Variants in MAK observed in about 807,000 individuals in gnomAD.
MAK encodes the protein serine/threonine-protein kinase MAK.
In MAK, 65 loss-of-function variants were observed where a neutral mutation model predicts 82.6. The observed-to-expected ratio is 0.79, with a 90% CI of 0.64 to 0.97. The LOEUF is 0.97. Ranked by LOEUF, MAK falls within the 50% of genes least tolerant of loss-of-function variation. The probability of loss-of-function intolerance (pLI) is 0.00; values close to 1 mark genes in which losing one functional copy is unlikely to be tolerated. For synonymous variants in MAK, 250 were observed against 274.2 expected, an observed-to-expected ratio of 0.91 and a Z score of 0.87; for missense variants, 703 against 780.2, an observed-to-expected ratio of 0.90 and a Z score of 1.18.
chr6:10,823,340 C>T (rs1454691694), intron 2 of MAK, among the ~76,000 whole-genome samples: 1 of 152,150 alleles, frequency 6.6e-6, no homozygotes, highest in Admixed American at 6.5e-5. Context: ...AGCTGAACTT[C>T]TCTAATTCCA....
At position 10,775,472 on chromosome 6, in the gene MAK, AAAC is replaced by A. The variant is rs1773385775; in HGVS notation, c.1466-16_1466-14del. On this transcript the variant is annotated splice_polypyrimidine_tract_variant and intron_variant, in intron 11 of 14. Coordinates refer to ENST00000354489, the MANE Select transcript of MAK (RefSeq NM_001242957.3). ...TTGGGATTCACACCTGAGAAGAACA[AAAC>A]AACCACTTCAAAGGTTAGAGCAGAT... The A allele has an allele frequency of 6.2e-7, 1 of 1,611,614 alleles. No individual in the cohort carries two copies. The highest frequency in any genetic ancestry group is 1.3e-5 in the African/African-American group (1 of 74,864).
chr6:10,767,790 CAAAAAAAAAAAA>C (rs35961098), intron 14 of MAK, among the ~76,000 whole-genome samples: 6 of 139,336 alleles, frequency 4.3e-5, no homozygotes, highest in African/African-American at 1.3e-4. Context: ...GACTTTGTCT[CAAAAAAAAAAAA>C]AAAAAAAAAC....
chr6:10,796,440 C>T (rs1326581362), intron 8 of MAK, 131 bp from the exon 9 acceptor site: 2 of 732,124 alleles, frequency 2.7e-6, no homozygotes, highest in Non-Finnish European at 4.7e-6. Context: ...AGAAAGCAGC[C>T]ATCATTCCCT....
intron 8 of MAK, among the ~76,000 whole-genome samples, chr6:10,799,365 T>C (rs1775833916): frequency 6.6e-6 from 1 of 152,356 alleles, no homozygotes; most frequent in Middle Eastern, 3.4e-3. Flanking sequence ...TTTTCCTGTG[T>C]TTCTTTTTCA....
chr6:10,819,040 C>T (rs562148889), intron 2 of MAK, 100 bp from the exon 3 acceptor site: 8 of 726,118 alleles, frequency 1.1e-5, no homozygotes, highest in Admixed American at 4.0e-5. Flanking sequence ...TCACTTTGGG[C>T]GAGCTATCTT....
chr6:10,781,848 G>T (rs887529963), intron 11 of MAK, among the ~76,000 whole-genome samples: 3 of 151,812 alleles, frequency 2.0e-5, no homozygotes, highest in African/African-American at 7.3e-5. Flanking sequence ...GTTTTTTCAG[G>T]CCCACTTCCC....
chr6:10,788,631 G>C (rs964563345), intron 10 of MAK, among the ~76,000 whole-genome samples: 2 of 152,098 alleles, frequency 1.3e-5, no homozygotes, highest in South Asian at 2.1e-4. Context: ...AGCTACTAAG[G>C]AGACTGAGAC....
chr6:10,776,474 T>G lies in MAK; in HGVS notation c.1466-1015A>C, dbSNP rs1280801914. Among the ~76,000 whole-genome samples, 1 of 152,150 alleles carries G rather than the reference T, an allele frequency of 6.6e-6. No homozygotes were observed. Among genetic ancestry groups the G allele is most frequent in the Non-Finnish European group, 1.5e-5 (1 of 68,032 alleles). ...ACTGATAATTAAATTAGAGTGAACT[T>G]GAGCAGTCTATGCCTTTTGGTCATT... On this transcript the variant is annotated intron_variant, in intron 11 of 14. Transcript: ENST00000354489. The surrounding 1 kb of genome is among the most constrained non-coding windows in gnomAD (Gnocchi z 4.3).
intron 5 of MAK, among the ~76,000 whole-genome samples, chr6:10,810,318 G>A (rs1776824382): frequency 6.7e-6 from 1 of 150,260 alleles, no homozygotes; most frequent in African/African-American, 2.4e-5. Context: ...TAGCTTTGGA[G>A]CTGGGAAGAC....
At chr6:10,813,987 A>G (rs1377183982) in intron 4 of MAK, among the ~76,000 whole-genome samples, 1 of 151,300 alleles carries the variant, frequency 6.6e-6, no homozygotes, top group African/African-American at 2.4e-5. Flanking sequence ...TTTTCTTTTG[A>G]GACAGAGTTT....
At chr6:10,808,770 T>A in intron 6 of MAK, 40 bp downstream of exon 6, 1 of 1,603,574 alleles carries the variant, frequency 6.2e-7, no homozygotes, top group Non-Finnish European at 8.5e-7. Context: ...AATTTCACCA[T>A]AGGCTTATGC....
rs1440188662 is a variant in MAK at position 10,793,013 on chromosome 6, T to C, written c.1144-1166A>G. Among the ~76,000 whole-genome samples the C allele has an allele frequency of 1.3e-5, 2 of 152,196 alleles. No homozygotes were observed. The highest frequency in any genetic ancestry group is 4.1e-4 in the South Asian group (2 of 4,826). Reference sequence around the variant, plus strand: ...ACAATATCAGTGATATGCAAGAATCTGGTATGGCTGAGAAGACTGGAAAGG... The same window carrying C: ...ACAATATCAGTGATATGCAAGAATCCGGTATGGCTGAGAAGACTGGAAAGG... On this transcript the variant is annotated intron_variant, in intron 9 of 14. Coordinates refer to ENST00000354489, the MANE Select transcript of MAK (RefSeq NM_001242957.3). This position sits in a 1 kb window ranked among gnomAD's most constrained non-coding sequence, Gnocchi z 4.6.
At chr6:10,790,815 C>T (rs891306278) in intron 10 of MAK, among the ~76,000 whole-genome samples, 4 of 152,138 alleles carry the variant, frequency 2.6e-5, no homozygotes, top group Non-Finnish European at 4.4e-5. Flanking sequence ...TGGGGCCTGG[C>T]GGGAGGTGTT....
chr6:10,823,394 T>C (rs1778108720), intron 2 of MAK, among the ~76,000 whole-genome samples: 1 of 152,174 alleles, frequency 6.6e-6, no homozygotes, highest in African/African-American at 2.4e-5. Flanking sequence ...CTCTTTTGTT[T>C]AAAAGGTTTT....
chr6:10,794,431 TAAG>T (rs1036778768), intron 9 of MAK, among the ~76,000 whole-genome samples: 5 of 152,002 alleles, frequency 3.3e-5, no homozygotes, highest in African/African-American at 7.3e-5. Flanking sequence ...ACAATAAACA[TAAG>T]AAGTAATTAA....
intron 5 of MAK, among the ~76,000 whole-genome samples, chr6:10,809,199 T>C (rs9366631): frequency 0.16 from 24,607 of 152,162 alleles, 1,934 homozygotes; most frequent in Middle Eastern, 0.2. Context: ...TTATTTTTAT[T>C]TGTGACTCCA....
rs1197638874 is a variant in MAK at position 10,762,853 on chromosome 6, T to A, written c.*1599A>T. 5 of 152,572 alleles carry A rather than the reference T, an allele frequency of 3.3e-5. No individual in the cohort carries two copies. Among genetic ancestry groups the A allele is most frequent in the Non-Finnish European group, 7.4e-5 (5 of 68,024 alleles). 9.5% of individuals were successfully genotyped at this position (152,572 alleles called of 1,614,324 possible). A position where few individuals can be genotyped will look rare whatever the true frequency, so the allele number is the denominator to read the frequency against. On this transcript the variant is annotated 3_prime_UTR_variant, in exon 15 of 15. Coordinates refer to ENST00000354489, the MANE Select transcript of MAK (RefSeq NM_001242957.3). ...CATTACCACTAGGATAAATTACTCT[T>A]TAGATTTTAACATTTTTCAACATCT...
At chr6:10,822,072 G>A (rs1309948193) in intron 2 of MAK, among the ~76,000 whole-genome samples, 3 of 150,532 alleles carry the variant, frequency 2.0e-5, no homozygotes, top group East Asian at 2.0e-4. Context: ...GCGTGAACTC[G>A]GGAGGCAGAG....
At chr6:10,771,119 G>A (rs886814675) in intron 13 of MAK, among the ~76,000 whole-genome samples, 24 of 152,062 alleles carry the variant, frequency 1.6e-4, no homozygotes, top group African/African-American at 5.6e-4. Context: ...GTGGGCAGGC[G>A]TGGAGATTGG....
Sources: allele counts gnomAD v4.1 joint callset (sites outside exome capture counted in the v4.1 genomes callset), GRCh38; gene constraint gnomAD v4.1.1; non-coding constraint Gnocchi (gnomAD v3.1); transcripts MANE v1.5; gene names NCBI Gene and HGNC (gene_info 2026-07-23, HGNC 2026-07-21).